Variants in ACOXL observed in about 807,000 individuals in gnomAD.
ACOXL encodes the protein acyl-CoA oxidase like, also known as acyl-coenzyme A oxidase-like protein.
Under a neutral mutation model 71.9 loss-of-function variants are expected in ACOXL, and 70 were observed. That is an observed-to-expected ratio of 0.97 (90% CI 0.80 to 1.19). ACOXL has a LOEUF of 1.19. ACOXL is among the 50% of genes most tolerant of loss of function. ACOXL has a pLI of 0.00. For synonymous variants in ACOXL, 253 were observed against 281.6 expected, an observed-to-expected ratio of 0.90 and a Z score of 1.02; for missense variants, 703 against 736.3, an observed-to-expected ratio of 0.95 and a Z score of 0.52.
intron 1 of ACOXL, among the ~76,000 whole-genome samples, chr2:110,733,448 G>C (rs938859365): frequency 6.6e-6 from 1 of 152,288 alleles, no homozygotes; most frequent in Middle Eastern, 3.4e-3. Flanking sequence ...ACCAGAACTC[G>C]GCATTCGTGT....
chr2:111,037,352 T>A (rs1335228180), intron 15 of ACOXL, among the ~76,000 whole-genome samples: 1 of 152,182 alleles, frequency 6.6e-6, no homozygotes, highest in Non-Finnish European at 1.5e-5. Context: ...TGAGAAATTC[T>A]GAGGTGGTTT....
chr2:111,062,282 A>G (rs997374836), intron 16 of ACOXL, among the ~76,000 whole-genome samples: 1 of 152,084 alleles, frequency 6.6e-6, no homozygotes, highest in South Asian at 2.1e-4. Flanking sequence ...GGGCACTGCT[A>G]AAGGTATGCA....
chr2:110,818,531 A>G (rs1035703116), intron 9 of ACOXL, among the ~76,000 whole-genome samples: 26 of 150,310 alleles, frequency 1.7e-4, no homozygotes, highest in Non-Finnish European at 3.1e-4. Flanking sequence ...GTGTATATAT[A>G]TATGTGTATA....
intron 16 of ACOXL, among the ~76,000 whole-genome samples, chr2:111,050,505 C>T (rs1199947839): frequency 6.6e-6 from 1 of 152,202 alleles, no homozygotes; most frequent in Non-Finnish European, 1.5e-5. Flanking sequence ...CTTTCCATGA[C>T]CTTGAAGCAG....
intron 12 of ACOXL, among the ~76,000 whole-genome samples, chr2:110,983,446 C>T (rs1381137439): frequency 6.6e-6 from 1 of 152,210 alleles, no homozygotes; most frequent in Non-Finnish European, 1.5e-5. Context: ...CTTGATTCCT[C>T]CTGCAGATGG....
At chr2:111,075,502 C>G (rs745811826) in intron 16 of ACOXL, among the ~76,000 whole-genome samples, 48 of 151,868 alleles carry the variant, frequency 3.2e-4, no homozygotes, top group Non-Finnish European at 5.9e-4. Flanking sequence ...AGAACTTTAT[C>G]AATTATCTTT....
chr2:111,020,617 A>G (rs765161878), intron 14 of ACOXL, among the ~76,000 whole-genome samples: 1 of 152,172 alleles, frequency 6.6e-6, no homozygotes, highest in Non-Finnish European at 1.5e-5. Flanking sequence ...ATCTTTGAAT[A>G]TACATTTACT....
At chr2:110,986,853 G>A (rs1162530016) in intron 12 of ACOXL, among the ~76,000 whole-genome samples, 1 of 152,106 alleles carries the variant, frequency 6.6e-6, no homozygotes, top group Non-Finnish European at 1.5e-5. Flanking sequence ...CAGTGTTAGA[G>A]ACTGATACAG....
rs184272916 is a variant in ACOXL, at chr2:110,854,399, C to T, written c.788+12994C>T. ...CACCAGGTGGACTTGGGGATTCAAA[C>T]TCAGGCCTCTGACTCCCAGCAGAAG... On this transcript the variant is annotated intron_variant, in intron 10 of 17. Transcript: ENST00000439055. Among the ~76,000 whole-genome samples the T allele has an allele frequency of 3.3e-3, 508 of 152,268 alleles. 2 individuals are homozygous for T. The highest frequency in any genetic ancestry group is 0.017 in the South Asian group (83 of 4,818).
chr2:110,759,890 G>C (rs969408091), intron 1 of ACOXL, among the ~76,000 whole-genome samples: 1 of 151,848 alleles, frequency 6.6e-6, no homozygotes. Flanking sequence ...TTAGATGAAA[G>C]CTTTTTCATC....
chr2:111,024,612 C>T (rs965923348), intron 14 of ACOXL, among the ~76,000 whole-genome samples: 10 of 152,256 alleles, frequency 6.6e-5, no homozygotes, highest in Admixed American at 5.9e-4. Context: ...GTTACAGCAG[C>T]CCTAGGGAAC....
At chr2:110,989,979 G>T (rs2063105998) in intron 13 of ACOXL, among the ~76,000 whole-genome samples, 1 of 152,162 alleles carries the variant, frequency 6.6e-6, no homozygotes, top group African/African-American at 2.4e-5. Context: ...AGCGGAGGTT[G>T]CAGTGAGCCA....
intron 16 of ACOXL, among the ~76,000 whole-genome samples, chr2:111,052,991 C>T (rs1489849056): frequency 6.6e-6 from 1 of 152,158 alleles, no homozygotes; most frequent in Non-Finnish European, 1.5e-5. Flanking sequence ...CAAAGAGTAC[C>T]TGGACCTGAC....
intron 16 of ACOXL, among the ~76,000 whole-genome samples, chr2:111,080,839 C>T (rs1255163118): frequency 6.6e-6 from 1 of 152,218 alleles, no homozygotes; most frequent in East Asian, 1.9e-4. Flanking sequence ...AAGCTGGCTT[C>T]ATCCCTGGGA....
chr2:111,018,716 G>A (rs950731560), intron 14 of ACOXL, among the ~76,000 whole-genome samples: 1 of 151,988 alleles, frequency 6.6e-6, no homozygotes, highest in South Asian at 2.1e-4. Context: ...GCTGGAGGGG[G>A]TGTTGGTGGG....
intron 10 of ACOXL, among the ~76,000 whole-genome samples, chr2:110,878,455 T>A (rs116936442): frequency 6.6e-6 from 1 of 152,156 alleles, no homozygotes; most frequent in Non-Finnish European, 1.5e-5. Flanking sequence ...GTATGTTGAA[T>A]TGATATGCAA....
At chr2:110,861,762 A>G (rs1281185297) in intron 10 of ACOXL, among the ~76,000 whole-genome samples, 3 of 152,178 alleles carry the variant, frequency 2.0e-5, no homozygotes, top group Admixed American at 1.3e-4. Context: ...ATTTCCAATT[A>G]GTGGGTTTCA....
chr2:110,806,307 G>A (rs576293097), intron 9 of ACOXL, among the ~76,000 whole-genome samples: 4 of 152,336 alleles, frequency 2.6e-5, no homozygotes, highest in South Asian at 2.1e-4. Context: ...GTGCCCGCCC[G>A]TGCACCCCAG....
intron 1 of ACOXL, among the ~76,000 whole-genome samples, chr2:110,735,953 C>G (rs1676783481): frequency 6.6e-6 from 1 of 152,132 alleles, no homozygotes; most frequent in African/African-American, 2.4e-5. Context: ...AAAGCCCCCC[C>G]ATAGGATTCT....
Sources: gnomAD v4.1 joint callset for allele counts (sites outside exome capture counted in the v4.1 genomes callset) on GRCh38, gnomAD v4.1.1 for gene constraint, MANE v1.5 for transcripts, NCBI Gene and HGNC (gene_info 2026-07-23, HGNC 2026-07-21) for gene names.